PRKAR1A: variants seen among roughly 807,000 people sequenced by gnomAD.
PRKAR1A encodes cAMP-dependent protein kinase type I-alpha regulatory subunit.
In PRKAR1A, 3 loss-of-function variants were observed where a neutral mutation model predicts 52.0. The observed-to-expected ratio is 0.06, with a 90% CI of 0.03 to 0.15. The LOEUF (loss-of-function observed/expected upper bound fraction) is 0.15. Ranked by LOEUF, PRKAR1A falls within the 10% of genes least tolerant of loss-of-function variation. The pLI is 1.00. For missense variants in PRKAR1A, 240 were observed against 477.4 expected, an observed-to-expected ratio of 0.50 and a Z score of 4.63; for synonymous variants, 188 against 168.4, an observed-to-expected ratio of 1.12 and a Z score of -0.90.
chr17:68,501,606 T>C, the PRKAR1A span, among the ~76,000 whole-genome samples: 1 of 152,142 alleles, frequency 6.6e-6, no homozygotes, highest in Admixed American at 6.5e-5. Flanking sequence ...CACATGTGCA[T>C]AACCATGCCT....
chr17:68,476,372 G>A, the PRKAR1A span, among the ~76,000 whole-genome samples: 1 of 152,120 alleles, frequency 6.6e-6, no homozygotes, highest in Non-Finnish European at 1.5e-5. Flanking sequence ...TGCAGGAAGT[G>A]GAGGTCTCCA....
At chr17:68,480,549 G>C in the PRKAR1A span, among the ~76,000 whole-genome samples, 1 of 152,214 alleles carries the variant, frequency 6.6e-6, no homozygotes, top group South Asian at 2.1e-4. Context: ...GATGACACAA[G>C]CTTTTTTACT....
chr17:68,507,620 T>C (rs2085214187), upstream of PRKAR1A, among the ~76,000 whole-genome samples: 1 of 152,140 alleles, frequency 6.6e-6, no homozygotes, highest in South Asian at 2.1e-4. Flanking sequence ...CACGTTCTTC[T>C]GCACATGTAT....
the PRKAR1A span, among the ~76,000 whole-genome samples, chr17:68,443,403 G>A: frequency 6.6e-6 from 1 of 152,094 alleles, no homozygotes; most frequent in East Asian, 1.9e-4. Flanking sequence ...GTGAGCCACC[G>A]CACCCGGCTA....
At chr17:68,471,869 C>T in the PRKAR1A span, among the ~76,000 whole-genome samples, 66 of 152,050 alleles carry the variant, frequency 4.3e-4, 1 homozygote, top group Admixed American at 2.4e-3. Flanking sequence ...GGCGCGATCT[C>T]GGCTCACTGC....
chr17:68,493,975 A>G, the PRKAR1A span, among the ~76,000 whole-genome samples: 1 of 152,188 alleles, frequency 6.6e-6, no homozygotes, highest in East Asian at 1.9e-4. Flanking sequence ...ATGTGGCAAC[A>G]TCGTCCATCA....
chr17:68,478,817 T>C, the PRKAR1A span, among the ~76,000 whole-genome samples: 1 of 150,768 alleles, frequency 6.6e-6, no homozygotes, highest in Non-Finnish European at 1.5e-5. Flanking sequence ...AACCTCCGCC[T>C]CCCGGATTCA....
chr17:68,486,503 TTCC>T, the PRKAR1A span, among the ~76,000 whole-genome samples: 337 of 39,008 alleles, frequency 8.6e-3, 1 homozygote, highest in African/African-American at 0.026. Context: ...CCTTCCTTCC[TTCC>T]TTCTTTCTTT....
the PRKAR1A span, among the ~76,000 whole-genome samples, chr17:68,478,229 G>A: frequency 1.3e-5 from 2 of 152,108 alleles, no homozygotes; most frequent in African/African-American, 4.8e-5. Context: ...CGAGGGGGGT[G>A]GATCATGAGG....
the PRKAR1A span, among the ~76,000 whole-genome samples, chr17:68,475,730 G>C: frequency 6.6e-6 from 1 of 152,234 alleles, no homozygotes; most frequent in East Asian, 1.9e-4. Context: ...GCAGTGTTGG[G>C]ATTACAGTTG....
At chr17:68,421,705 C>T in the PRKAR1A span, 17 of 1,608,452 alleles carry the variant, frequency 1.1e-5, no homozygotes, top group African/African-American at 1.6e-4. Flanking sequence ...TCCATTCTTC[C>T]GCCTTCCTTG....
intron 2 of PRKAR1A, among the ~76,000 whole-genome samples, chr17:68,521,537 T>A (rs913422591): frequency 4.6e-5 from 7 of 152,258 alleles, no homozygotes. Flanking sequence ...AGTCATGTAT[T>A]CTTAAACTTT....
the PRKAR1A span, chr17:68,427,067 G>A: frequency 7.7e-7 from 1 of 1,298,678 alleles, no homozygotes; most frequent in Non-Finnish European, 1.1e-6. Flanking sequence ...AGGGGAGGGA[G>A]CGTGCAGGGA....
At chr17:68,500,167 A>G in the PRKAR1A span, among the ~76,000 whole-genome samples, 1 of 152,186 alleles carries the variant, frequency 6.6e-6, no homozygotes, top group Admixed American at 6.5e-5. Context: ...CCAATTGGAA[A>G]CAGTTCTCAA....
the PRKAR1A span, among the ~76,000 whole-genome samples, chr17:68,417,547 C>G: frequency 3.3e-5 from 5 of 151,816 alleles, no homozygotes; most frequent in Non-Finnish European, 4.4e-5. Context: ...GAGCCTCCAG[C>G]AATTTGTCAA....
chr17:68,489,986 C>T, the PRKAR1A span, among the ~76,000 whole-genome samples: 35 of 152,262 alleles, frequency 2.3e-4, no homozygotes, highest in South Asian at 7.2e-3. Flanking sequence ...GAGGGAATGC[C>T]ATTTGCCCTG....
the PRKAR1A span, among the ~76,000 whole-genome samples, chr17:68,487,383 C>T: frequency 0.38 from 57,124 of 152,124 alleles, 11,028 homozygotes; most frequent in African/African-American, 0.44. Context: ...TTAATCAATA[C>T]TTACTTAGCC....
chr17:68,551,035 C>T, intron 11 of PRKAR1A: 2 of 1,218,342 alleles, frequency 1.6e-6, no homozygotes, highest in Non-Finnish European at 2.1e-6. Flanking sequence ...TGGAGGAAAG[C>T]ATGACTTGGG....
At chr17:68,457,782 C>T in the PRKAR1A span, among the ~76,000 whole-genome samples, 2 of 152,176 alleles carry the variant, frequency 1.3e-5, no homozygotes, top group African/African-American at 4.8e-5. Flanking sequence ...GGCTGGCGAC[C>T]CGCCCCTGGC....
Sources: allele counts gnomAD v4.1 joint callset (sites outside exome capture counted in the v4.1 genomes callset), GRCh38; gene constraint gnomAD v4.1.1; transcripts MANE v1.5; gene names NCBI Gene and HGNC (gene_info 2026-07-23, HGNC 2026-07-21).